PYGO1: variants seen among roughly 807,000 people sequenced by gnomAD.
The protein encoded by PYGO1 is pygopus family PHD finger 1.
Under a neutral mutation model 29.5 loss-of-function variants are expected in PYGO1, and 6 were observed. That is an observed-to-expected ratio of 0.20 (90% CI 0.11 to 0.40). The LOEUF is 0.40. Among genes scored for constraint, PYGO1 ranks in the 10% least tolerant of loss-of-function variants. PYGO1 has a pLI of 1.00. For synonymous variants in PYGO1, 186 were observed against 180.5 expected (o/e 1.03, Z -0.24); for missense variants, 515 against 514.9 (o/e 1.00, Z 0.00).
In PYGO1 at chr15:55,544,936, C is replaced by T. The variant is rs904384989; in HGVS notation, c.*1087G>A. 11 of 152,234 alleles carry T rather than the reference C, an allele frequency of 7.2e-5. No individual in the cohort carries two copies. The highest frequency in any genetic ancestry group is 2.1e-4 in the South Asian group (1 of 4,810). The allele number at this position is 152,234 out of a possible 1,614,324, so 9.4% of individuals were successfully genotyped here. A position where few individuals can be genotyped will look rare whatever the true frequency, so the allele number is the denominator to read the frequency against. ...TTTTTATACTTTTCCCCAGTCAGAG[C>T]GGGAATTCCTTAAGTCTGCTGCAAG... On this transcript the variant is annotated 3_prime_UTR_variant, in exon 3 of 3. Coordinates refer to ENST00000563719, the MANE Select transcript of PYGO1 (RefSeq NM_001367806.1).
At position 55,545,474 on chromosome 15, in the gene PYGO1, AACTC is replaced by A. The variant is rs2058845522; in HGVS notation, c.*545_*548del. ...TATCTGTACAAACAGATATCCTGAA[AACTC>A]ACTTGAAATATGAAATTCATTGATT... On this transcript the variant is annotated 3_prime_UTR_variant, in exon 3 of 3. Transcript: ENST00000563719. The A allele has an allele frequency of 6.6e-6, 1 of 152,310 alleles. No homozygotes were observed. The allele number at this position is 152,310 out of a possible 1,614,324, so 9.4% of individuals were successfully genotyped here.
rs1555424232 is a variant in PYGO1, at chr15:55,543,074, G to GTGTGT, written c.*2948_*2949insACACA. On this transcript the variant is annotated 3_prime_UTR_variant, in exon 3 of 3. Coordinates refer to ENST00000563719, the MANE Select transcript of PYGO1 (RefSeq NM_001367806.1). ...CTCAAGGATGTTGGAGAAACTGTGG[G>GTGTGT]GGGTGTGTGTGTGTGTGTGTGTGTG... 1.6e-5 allele frequency: 1 copy of GTGTGT among 62,454 alleles called. No individual in the cohort carries two copies. Among genetic ancestry groups the GTGTGT allele is most frequent in the East Asian group, 4.1e-4 (1 of 2,444 alleles). The allele number at this position is 62,454 out of a possible 1,614,324, so 3.9% of individuals were successfully genotyped here. A position where few individuals can be genotyped will look rare whatever the true frequency, so the allele number is the denominator to read the frequency against.
chr15:55,551,123 G>T (rs866527231), intron 1 of PYGO1, among the ~76,000 whole-genome samples: 3 of 152,334 alleles, frequency 2.0e-5, no homozygotes, highest in Non-Finnish European at 4.4e-5. Flanking sequence ...ACCTCCTGCT[G>T]TGTGGCCTGG....
chr15:55,547,467 T>C (rs2058857716), intron 2 of PYGO1, among the ~76,000 whole-genome samples: 1 of 152,214 alleles, frequency 6.6e-6, no homozygotes, highest in African/African-American at 2.4e-5. Context: ...TCATTTAATA[T>C]GCTTACCTAT....
intron 1 of PYGO1, among the ~76,000 whole-genome samples, chr15:55,565,258 C>A (rs1037479656): frequency 6.6e-6 from 1 of 152,078 alleles, no homozygotes; most frequent in African/African-American, 2.4e-5. Flanking sequence ...TGGTGGTCAT[C>A]TTAGAATTCT....
In PYGO1 at chr15:55,576,111, C is replaced by T. The variant is rs556605635; in HGVS notation, c.49+11724G>A. Among the ~76,000 whole-genome samples the T allele has an allele frequency of 1.2e-4, 19 of 152,250 alleles. 1 individual carries two copies. In the South Asian group the frequency reaches 3.3e-3, roughly 27 times the overall value. On this transcript the variant is annotated intron_variant, in intron 1 of 2. Coordinates refer to ENST00000563719, the MANE Select transcript of PYGO1 (RefSeq NM_001367806.1). ...TGATTTACATTTCAAGTCCCATCAG[C>T]CAGAAACTATCATTACTATTAACAT...
chr15:55,541,040 A>C lies in PYGO1; in HGVS notation c.*4983T>G, dbSNP rs991168093. ...CAAGAAAGGTACAGGTATTTAGAATAAGTTTTAATATAATTGCAAGTAATG... is the reference window on the plus strand; with the variant it reads ...CAAGAAAGGTACAGGTATTTAGAATCAGTTTTAATATAATTGCAAGTAATG... On this transcript the variant is annotated 3_prime_UTR_variant, in exon 3 of 3. Transcript: ENST00000563719. 2.0e-5 allele frequency: 3 copies of C among 152,208 alleles called. No individual in the cohort carries two copies. The highest frequency in any genetic ancestry group is 7.2e-5 in the African/African-American group (3 of 41,460). 9.4% of individuals were successfully genotyped at this position (152,208 alleles called of 1,614,324 possible).
intron 1 of PYGO1, among the ~76,000 whole-genome samples, chr15:55,564,032 A>G (rs1297281806): frequency 6.6e-6 from 1 of 152,204 alleles, no homozygotes; most frequent in African/African-American, 2.4e-5. Flanking sequence ...AGTAAAACAT[A>G]AAGTTATCAT....
At chr15:55,570,420 A>G (rs2058975430) in intron 1 of PYGO1, among the ~76,000 whole-genome samples, 2 of 152,098 alleles carry the variant, frequency 1.3e-5, no homozygotes, top group South Asian at 4.1e-4. Flanking sequence ...GTCATTTTCA[A>G]TCTTGGCTGC....
intron 1 of PYGO1, among the ~76,000 whole-genome samples, chr15:55,578,587 G>A (rs944503087): frequency 6.6e-6 from 1 of 152,046 alleles, no homozygotes; most frequent in African/African-American, 2.4e-5. Context: ...GTTTTGATTT[G>A]CATTTCCATA....
intron 1 of PYGO1, among the ~76,000 whole-genome samples, chr15:55,580,757 C>G (rs913835244): frequency 3.3e-5 from 5 of 152,176 alleles, no homozygotes; most frequent in African/African-American, 9.7e-5. Context: ...AAAAGCAGAT[C>G]TGAAATCATT....
intron 1 of PYGO1, among the ~76,000 whole-genome samples, chr15:55,573,736 C>G (rs544755066): frequency 2.6e-5 from 4 of 152,214 alleles, no homozygotes; most frequent in African/African-American, 9.6e-5. Flanking sequence ...TAAAACTTAA[C>G]TACTAAAATA....
chr15:55,580,266 T>C (rs181850997), intron 1 of PYGO1, among the ~76,000 whole-genome samples: 10 of 152,334 alleles, frequency 6.6e-5, no homozygotes, highest in Non-Finnish European at 4.4e-5. Context: ...CTCAGAGTTT[T>C]CTGCTTAAAA....
At chr15:55,558,179 A>G (rs1340749288) in intron 1 of PYGO1, among the ~76,000 whole-genome samples, 2 of 152,218 alleles carry the variant, frequency 1.3e-5, no homozygotes, top group Admixed American at 6.5e-5. Flanking sequence ...ATGTGCAAAA[A>G]TCACAAGCAT....
At chr15:55,564,105 A>G (rs1040563652) in intron 1 of PYGO1, among the ~76,000 whole-genome samples, 2 of 152,246 alleles carry the variant, frequency 1.3e-5, no homozygotes, top group African/African-American at 4.8e-5. Context: ...ATTTCTTTGC[A>G]CAAAAACTTG....
chr15:55,570,005 T>A (rs1007561714), intron 1 of PYGO1, among the ~76,000 whole-genome samples: 12 of 152,188 alleles, frequency 7.9e-5, no homozygotes, highest in Non-Finnish European at 1.8e-4. Context: ...GTCTCCAAGA[T>A]TTTCCCCATG....
At chr15:55,552,545 C>T (rs1595982697) in intron 1 of PYGO1, among the ~76,000 whole-genome samples, 1 of 151,990 alleles carries the variant, frequency 6.6e-6, no homozygotes, top group Non-Finnish European at 1.5e-5. Context: ...CAATCGCCCG[C>T]CCAGGAGCAG....
At chr15:55,579,644 G>C (rs989404529) in intron 1 of PYGO1, among the ~76,000 whole-genome samples, 25 of 152,062 alleles carry the variant, frequency 1.6e-4, no homozygotes, top group African/African-American at 5.8e-4. Context: ...GCCTCTCAAA[G>C]TGCTGAGATT....
rs771420337 is a variant in PYGO1 at position 55,546,647 on chromosome 15, A to G, written c.636T>C (p.Phe212=). The change falls in exon 3 of 3, where the codon TTT becomes TTC. Residue 212 remains phenylalanine, a synonymous_variant. Coordinates refer to ENST00000563719, the MANE Select transcript of PYGO1 (RefSeq NM_001367806.1). The part of the protein sequence containing the change: ...SNFVPGNNSN[F]TSPLESNHSF... ...AATGATTAGATTCTAACGGAGAAGT[A>G]AAATTTGAATTATTTCCAGGAACAA... is the stretch of plus-strand genomic sequence containing the variant. 1 of 1,614,068 alleles carries G rather than the reference A, an allele frequency of 6.2e-7. No homozygotes were observed. The highest frequency in any genetic ancestry group is 1.3e-5 in the African/African-American group (1 of 75,018).
Sources: gnomAD v4.1 joint callset for allele counts (sites outside exome capture counted in the v4.1 genomes callset) on GRCh38, gnomAD v4.1.1 for gene constraint, MANE v1.5 for transcripts, NCBI Gene and HGNC (gene_info 2026-07-23, HGNC 2026-07-21) for gene names.